SLC2A13: variants seen among roughly 807,000 people sequenced by gnomAD.
The protein encoded by SLC2A13 is proton myo-inositol cotransporter.
A neutral mutation model predicts 64.4 loss-of-function variants in SLC2A13; 32 were observed. The observed-to-expected ratio is 0.50, with a 90% confidence interval of 0.37 to 0.67. The LOEUF (loss-of-function observed/expected upper bound fraction) is 0.67, where lower values mean the gene tolerates loss of function less well. Among genes scored for constraint, SLC2A13 ranks in the 30% least tolerant of loss-of-function variants. The pLI, the probability that SLC2A13 is intolerant of heterozygous loss-of-function variation, is 0.00. For synonymous variants in SLC2A13, 338 were observed against 327.1 expected, an observed-to-expected ratio of 1.03 and a Z score of -0.36; for missense variants, 743 against 829.2, an observed-to-expected ratio of 0.90 and a Z score of 1.28.
Position 39,951,379 on chromosome 12 carries a change from G to GAAA in SLC2A13, c.926-17_926-15dup. 7.0e-7 allele frequency: 1 copy of GAAA among 1,433,236 alleles called. No homozygotes were observed. Among genetic ancestry groups the GAAA allele is most frequent in the South Asian group, 1.5e-5 (1 of 67,996 alleles). 88.8% of individuals were successfully genotyped at this position (1,433,236 alleles called of 1,614,324 possible). ...TCACAGGTCCAGCTTTTTTAAGAAA[G>GAAA]AAAGAAAAAAAAAATACAACTATTA... On this transcript the variant is annotated splice_polypyrimidine_tract_variant and intron_variant, in intron 3 of 9. Transcript: ENST00000280871.
intron 4 of SLC2A13, among the ~76,000 whole-genome samples, chr12:39,894,017 C>T (rs188152349): frequency 6.6e-6 from 1 of 152,208 alleles, no homozygotes; most frequent in African/African-American, 2.4e-5. Flanking sequence ...GACAATATAC[C>T]TTTAAATGTG....
At chr12:39,988,901 C>T (rs560799221) in intron 3 of SLC2A13, among the ~76,000 whole-genome samples, 4 of 152,136 alleles carry the variant, frequency 2.6e-5, no homozygotes, top group South Asian at 4.2e-4. Context: ...CTCTATACGT[C>T]GCCTCCTCTC....
chr12:39,856,461 C>T (rs1326902323), intron 6 of SLC2A13, among the ~76,000 whole-genome samples: 5 of 152,146 alleles, frequency 3.3e-5, no homozygotes, highest in African/African-American at 1.2e-4. Context: ...CTCTGCCTCC[C>T]GGGCTCAAGC....
rs573684663 is a variant in SLC2A13 at position 39,919,662 on chromosome 12, G to A, written c.1034+31595C>T. Among the ~76,000 whole-genome samples the A allele has an allele frequency of 9.2e-5, 14 of 152,004 alleles. No individual in the cohort carries two copies. The South Asian group carries it at 2.9e-3, about 32-fold the overall frequency. On this transcript the variant is annotated intron_variant, in intron 4 of 9. Transcript: ENST00000280871. Reference sequence around the variant, plus strand: ...AGTGTATAAAAGGTTCAAAGGGCTTGGATGGAAACACCCCCCAAACCCACC... The same window carrying A: ...AGTGTATAAAAGGTTCAAAGGGCTTAGATGGAAACACCCCCCAAACCCACC...
chr12:39,862,284 G>C (rs867184163), intron 6 of SLC2A13, among the ~76,000 whole-genome samples: 2 of 152,076 alleles, frequency 1.3e-5, no homozygotes, highest in East Asian at 3.9e-4. Context: ...TTTTTGGCCT[G>C]GTATGCAACC....
chr12:40,072,280 C>A (rs761451095), intron 1 of SLC2A13, among the ~76,000 whole-genome samples: 15 of 151,902 alleles, frequency 9.9e-5, no homozygotes, highest in Admixed American at 3.9e-4. Flanking sequence ...TGATTGTATT[C>A]TTTTTAAATT....
intron 4 of SLC2A13, among the ~76,000 whole-genome samples, chr12:39,900,092 C>T (rs1175260272): frequency 6.6e-6 from 1 of 152,134 alleles, no homozygotes; most frequent in Non-Finnish European, 1.5e-5. Flanking sequence ...ACAAAAACCA[C>T]ATGATTATCT....
intron 4 of SLC2A13, among the ~76,000 whole-genome samples, chr12:39,889,593 C>T (rs1944551983): frequency 1.4e-5 from 2 of 142,956 alleles, no homozygotes; most frequent in Admixed American, 1.5e-4. Flanking sequence ...ACTGCAGTAG[C>T]ACCATCTTGG....
intron 7 of SLC2A13, among the ~76,000 whole-genome samples, chr12:39,809,975 A>C (rs968429859): frequency 1.8e-4 from 28 of 152,166 alleles, no homozygotes; most frequent in African/African-American, 6.8e-4. Context: ...CATATGTGTG[A>C]ATGTGTCTTA....
intron 2 of SLC2A13, among the ~76,000 whole-genome samples, chr12:40,037,346 C>G (rs1948005864): frequency 6.6e-6 from 1 of 152,062 alleles, no homozygotes; most frequent in South Asian, 2.1e-4. Context: ...GGGCTGGGTG[C>G]AGTGGCCCAC....
chr12:39,785,934 T>C (rs1368949311), intron 7 of SLC2A13, among the ~76,000 whole-genome samples: 1 of 152,216 alleles, frequency 6.6e-6, no homozygotes, highest in Admixed American at 6.5e-5. Flanking sequence ...ATCCTCATTG[T>C]ATTTAGGAAG....
At chr12:40,077,434 T>C (rs1431478648) in intron 1 of SLC2A13, among the ~76,000 whole-genome samples, 1 of 152,226 alleles carries the variant, frequency 6.6e-6, no homozygotes, top group Non-Finnish European at 1.5e-5. Flanking sequence ...CTTGTTATTG[T>C]CGACTTTGTC....
At chr12:39,781,269 A>G (rs1424262150) in intron 7 of SLC2A13, among the ~76,000 whole-genome samples, 2 of 152,188 alleles carry the variant, frequency 1.3e-5, no homozygotes, top group Non-Finnish European at 1.5e-5. Context: ...AATTCACTCT[A>G]TCCTCCCTTC....
At chr12:40,048,519 A>G (rs1166739047) in intron 1 of SLC2A13, among the ~76,000 whole-genome samples, 1 of 151,928 alleles carries the variant, frequency 6.6e-6, no homozygotes, top group Non-Finnish European at 1.5e-5. Flanking sequence ...GACTAAAAAT[A>G]GCAAAAAAAG....
intron 2 of SLC2A13, among the ~76,000 whole-genome samples, chr12:40,028,829 T>C (rs1947863320): frequency 6.6e-6 from 1 of 152,238 alleles, no homozygotes; most frequent in East Asian, 1.9e-4. Context: ...TCACCATTCC[T>C]ATGTAAGGCT....
intron 1 of SLC2A13, among the ~76,000 whole-genome samples, chr12:40,051,696 T>C (rs944375781): frequency 6.6e-6 from 1 of 151,996 alleles, no homozygotes; most frequent in African/African-American, 2.4e-5. Flanking sequence ...CTGCAGACAA[T>C]CAGATCAGCT....
Position 39,897,891 on chromosome 12 carries a change from T to TA in SLC2A13, c.1035-25931dup, listed in dbSNP as rs140667706. ...ACTGAATACATAAAAATACAATATA[T>TA]AAGACATTTTTATGTAGATCTATGA... On this transcript the variant is annotated intron_variant, in intron 4 of 9. Coordinates refer to ENST00000280871, the MANE Select transcript of SLC2A13 (RefSeq NM_052885.4). Among the ~76,000 whole-genome samples, 1,343 of 152,238 alleles carry TA rather than the reference T, an allele frequency of 8.8e-3. 10 individuals carry two copies. The highest frequency in any genetic ancestry group is 0.03 in the African/African-American group (1,262 of 41,562).
chr12:39,771,878 A>G (rs1462704698), intron 7 of SLC2A13, among the ~76,000 whole-genome samples: 1 of 151,988 alleles, frequency 6.6e-6, no homozygotes, highest in Non-Finnish European at 1.5e-5. Flanking sequence ...ACTAAACTAA[A>G]TTACTTATTT....
chr12:39,866,833 A>AAGCAGCAGC (rs1943924784), intron 5 of SLC2A13, among the ~76,000 whole-genome samples: 1 of 152,112 alleles, frequency 6.6e-6, no homozygotes, highest in South Asian at 2.1e-4. Flanking sequence ...TTATTATTAC[A>AAGCAGCAGC]AGCAGCAGCA....
Sources: gnomAD v4.1 joint callset for allele counts (sites outside exome capture counted in the v4.1 genomes callset) on GRCh38, gnomAD v4.1.1 for gene constraint, MANE v1.5 for transcripts, NCBI Gene and HGNC (gene_info 2026-07-23, HGNC 2026-07-21) for gene names.